Variants in PDE4D observed in about 807,000 individuals in gnomAD.
The protein encoded by PDE4D is phosphodiesterase 4D.
Under a neutral mutation model 87.4 loss-of-function variants are expected in PDE4D, and 24 were observed. The observed-to-expected ratio is 0.27, with a 90% CI of 0.20 to 0.39. The LOEUF (loss-of-function observed/expected upper bound fraction) is 0.39, where lower values mean the gene tolerates loss of function less well. Ranked by LOEUF, PDE4D falls within the 10% of genes least tolerant of loss-of-function variation. The probability of loss-of-function intolerance (pLI) is 1.00; values close to 1 mark genes in which losing one functional copy is unlikely to be tolerated. For synonymous variants in PDE4D, 384 were observed against 383.2 expected (o/e 1.00, Z -0.02); for missense variants, 714 against 1,041.0 (o/e 0.69, Z 4.32).
chr5:59,638,315 G>A (rs1740947130), intron 1 of PDE4D, among the ~76,000 whole-genome samples: 1 of 152,144 alleles, frequency 6.6e-6, no homozygotes, highest in African/African-American at 2.4e-5. Context: ...TAGACCACCA[G>A]AATCGAAATG....
At chr5:59,546,213 A>G (rs528429407) in intron 1 of PDE4D, among the ~76,000 whole-genome samples, 3 of 152,260 alleles carry the variant, frequency 2.0e-5, no homozygotes, top group Admixed American at 1.3e-4. Flanking sequence ...TAAAATCTGA[A>G]AAAATGAGTA....
intron 5 of PDE4D, among the ~76,000 whole-genome samples, chr5:59,114,135 C>T (rs1304624126): frequency 6.6e-6 from 1 of 151,802 alleles, no homozygotes; most frequent in Non-Finnish European, 1.5e-5. Flanking sequence ...TGAGCAACTA[C>T]AAAAATAATT....
intron 1 of PDE4D, among the ~76,000 whole-genome samples, chr5:59,653,606 G>T (rs1210522286): frequency 6.6e-6 from 1 of 152,108 alleles, no homozygotes. Context: ...AAACAAGAAA[G>T]GAGGAGAGAA....
At chr5:60,224,021 A>G (rs1452167543) in intron 1 of PDE4D, among the ~76,000 whole-genome samples, 1 of 152,078 alleles carries the variant, frequency 6.6e-6, no homozygotes, top group Non-Finnish European at 1.5e-5. Flanking sequence ...AGTGTTGTAC[A>G]ACTCCAATGA....
chr5:59,088,685 C>A (rs1270307811), intron 5 of PDE4D, among the ~76,000 whole-genome samples: 3 of 152,108 alleles, frequency 2.0e-5, no homozygotes, highest in Non-Finnish European at 4.4e-5. Context: ...ATATCCTTAG[C>A]AAACTAACAC....
At chr5:59,376,583 C>T (rs973912894) in intron 1 of PDE4D, among the ~76,000 whole-genome samples, 4 of 152,108 alleles carry the variant, frequency 2.6e-5, no homozygotes. Context: ...CAGAAAGAAT[C>T]CATATTGTTA....
intron 5 of PDE4D, among the ~76,000 whole-genome samples, chr5:59,129,147 T>A (rs1775920937): frequency 6.6e-6 from 1 of 152,246 alleles, no homozygotes; most frequent in Admixed American, 6.5e-5. Context: ...TCAGGAATGT[T>A]TAGATGAATT....
At chr5:59,578,629 A>G (rs991396204) in intron 1 of PDE4D, among the ~76,000 whole-genome samples, 2 of 152,044 alleles carry the variant, frequency 1.3e-5, no homozygotes, top group Non-Finnish European at 2.9e-5. Flanking sequence ...TAGCTGTTCC[A>G]TCATCTTACT....
intron 1 of PDE4D, among the ~76,000 whole-genome samples, chr5:59,747,072 A>G (rs1759720202): frequency 6.6e-6 from 1 of 152,132 alleles, no homozygotes; most frequent in South Asian, 2.1e-4. Context: ...CAGTTTCTGG[A>G]TCTCCCTTCA....
chr5:59,669,471 A>T (rs1205107423), intron 1 of PDE4D, among the ~76,000 whole-genome samples: 1 of 152,206 alleles, frequency 6.6e-6, no homozygotes, highest in Non-Finnish European at 1.5e-5. Context: ...TTCAAAATAA[A>T]TATTTACATA....
chr5:58,975,716 G>T lies in PDE4D; in HGVS notation c.1954C>A (p.Arg652Ser). Residue 652 changes from arginine to serine, a missense_variant, in exon 14 of 15, where the codon CGT (arginine) becomes AGT (serine). Around this residue, in one of 7 missense-constraint regions of PDE4D, gnomAD observed 97 missense variants for 176.9 expected, o/e 0.55. Coordinates refer to ENST00000340635, the MANE Select transcript of PDE4D (RefSeq NM_001104631.2). This position sits in a 1 kb window ranked among gnomAD's most constrained non-coding sequence, Gnocchi z 4.2. ...CACATGGGGCTTATCTCCATGCCAC[G>T]TTCCCTCTCTCGGTCTCCTTGGCGG... ...FFRQGDRERE[R>S]GMEISPMCDK... 1 of 1,612,914 alleles carries T rather than the reference G, an allele frequency of 6.2e-7. No individual in the cohort carries two copies. The highest frequency in any genetic ancestry group is 8.5e-7 in the Non-Finnish European group (1 of 1,179,352).
At chr5:59,748,742 A>G (rs1255291596) in intron 1 of PDE4D, among the ~76,000 whole-genome samples, 1 of 152,250 alleles carries the variant, frequency 6.6e-6, no homozygotes, top group Non-Finnish European at 1.5e-5. Flanking sequence ...AACATGGCAC[A>G]TGTATACATA....
intron 5 of PDE4D, among the ~76,000 whole-genome samples, chr5:59,102,081 CTT>C (rs34811771): frequency 2.2e-3 from 213 of 96,166 alleles, no homozygotes; most frequent in Middle Eastern, 0.01. Context: ...TTTTTCCCTA[CTT>C]TTTTTTTTTT....
rs61301609 is a variant in PDE4D, at chr5:59,926,139, A to T, written c.272+62349T>A. ...GCCACAAAATAAGTCTTAAAACATT[A>T]AAAAAAATTGAAATAATAGAAAGTA... On this transcript the variant is annotated intron_variant, in intron 3 of 16. Coordinates refer to the PDE4D transcript ENST00000502484. 5.3e-3 allele frequency among the ~76,000 whole-genome samples: 790 copies of T among 150,200 alleles called. 3 individuals are homozygous for T. Among genetic ancestry groups the T allele is most frequent in the African/African-American group, 0.019 (755 of 39,648 alleles).
chr5:58,992,175 ATG>A (rs1748068036), intron 7 of PDE4D, among the ~76,000 whole-genome samples, 171 bp from the exon 8 acceptor site: 1 of 152,148 alleles, frequency 6.6e-6, no homozygotes, highest in Non-Finnish European at 1.5e-5. Flanking sequence ...ACTTAATTTG[ATG>A]TCTTCAAACA....
chr5:59,756,535 C>CACACACACACACACACACAG (rs1355152924), intron 1 of PDE4D, among the ~76,000 whole-genome samples: 10 of 150,086 alleles, frequency 6.7e-5, no homozygotes, highest in African/African-American at 2.2e-4. Flanking sequence ...CACACACACA[C>CACACACACACACACACACAG]AGAGACACAC....
chr5:60,162,528 T>C lies in PDE4D; in HGVS notation c.42+23029A>G, dbSNP rs151051316. Among the ~76,000 whole-genome samples the C allele has an allele frequency of 7.7e-4, 117 of 152,242 alleles. 3 individuals are homozygous for C. In the East Asian group the frequency reaches 0.019, roughly 24 times the overall value. On this transcript the variant is annotated intron_variant, in intron 2 of 16. Transcript: ENST00000502484. ...TTATTCTTGGTAGTAATATTTGATC[T>C]ACAAAATCCAAACTTACCTCCCAAT... is the stretch of plus-strand genomic sequence containing the variant.
At chr5:59,773,343 A>G (rs889154241) in intron 1 of PDE4D, among the ~76,000 whole-genome samples, 2 of 152,206 alleles carry the variant, frequency 1.3e-5, no homozygotes, top group Admixed American at 1.3e-4. Flanking sequence ...TCTACATTAT[A>G]CAAACCCAAA....
intron 1 of PDE4D, among the ~76,000 whole-genome samples, chr5:60,351,305 G>C (rs573333618): frequency 7.2e-5 from 11 of 152,228 alleles, no homozygotes; most frequent in Admixed American, 6.6e-4. Context: ...TTTCATAACA[G>C]AATCCCATTT....
Sources: allele counts gnomAD v4.1 joint callset (sites outside exome capture counted in the v4.1 genomes callset), GRCh38; gene constraint gnomAD v4.1.1; regional missense constraint gnomAD v4.1.1; non-coding constraint Gnocchi (gnomAD v3.1); transcripts MANE v1.5; gene names NCBI Gene and HGNC (gene_info 2026-07-23, HGNC 2026-07-21).